The following NXN variants were observed in gnomAD, a reference collection of about 807,000 sequenced individuals.
NXN encodes the protein nucleoredoxin, also known as nucleoredoxin 1.
A neutral mutation model predicts 48.6 loss-of-function variants in NXN; 16 were observed. The observed-to-expected ratio is 0.33, with a 90% confidence interval of 0.22 to 0.50. The LOEUF (loss-of-function observed/expected upper bound fraction) is 0.50, where lower values mean the gene tolerates loss of function less well. Among genes scored for constraint, NXN ranks in the 20% least tolerant of loss-of-function variants. The probability of loss-of-function intolerance (pLI) is 0.98; values close to 1 mark genes in which losing one functional copy is unlikely to be tolerated. For missense variants in NXN, 492 were observed against 605.5 expected, an observed-to-expected ratio of 0.81 and a Z score of 1.97; for synonymous variants, 281 against 269.6, an observed-to-expected ratio of 1.04 and a Z score of -0.41.
Position 799,820 on chromosome 17 carries a change from T to G in NXN, c.*1129A>C, listed in dbSNP as rs973675221. 2.6e-5 allele frequency: 4 copies of G among 152,348 alleles called. No individual in the cohort carries two copies. Among genetic ancestry groups the G allele is most frequent in the African/African-American group, 9.7e-5 (4 of 41,434 alleles). 9.4% of individuals were successfully genotyped at this position (152,348 alleles called of 1,614,324 possible). The stretch of plus-strand genomic sequence containing the variant: ...ATTTCTCATCTTTGTAGTTCTGCTT[T>G]GAAAAGAAAAGGGGGCCGGGCACGG... On this transcript the variant is annotated 3_prime_UTR_variant, in exon 8 of 8. Transcript: ENST00000336868.
At chr17:913,293 G>A (rs1383484585) in intron 1 of NXN, among the ~76,000 whole-genome samples, 1 of 67,152 alleles carries the variant, frequency 1.5e-5, no homozygotes, top group East Asian at 0.038. Flanking sequence ...GCTCCCAAAT[G>A]ACAGAACTCA....
intron 1 of NXN, among the ~76,000 whole-genome samples, chr17:885,029 G>C (rs1042115310): frequency 6.6e-6 from 1 of 152,160 alleles, no homozygotes; most frequent in Non-Finnish European, 1.5e-5. Context: ...AGGGGTAAGA[G>C]GGACATCTAA....
intron 5 of NXN, among the ~76,000 whole-genome samples, chr17:818,753 TG>T (rs1912635409): frequency 6.6e-6 from 1 of 151,686 alleles, no homozygotes; most frequent in Non-Finnish European, 1.5e-5. Flanking sequence ...GGGCGTGTGG[TG>T]GGCGCCTGTA....
chr17:813,835 A>G (rs1172341572), intron 5 of NXN, among the ~76,000 whole-genome samples: 1 of 151,982 alleles, frequency 6.6e-6, no homozygotes, highest in East Asian at 1.9e-4. Flanking sequence ...GCGTAGTGGC[A>G]GGTGCCTATA....
chr17:812,853 T>TGTGTGTAG (rs956352455), intron 5 of NXN, among the ~76,000 whole-genome samples: 1 of 134,254 alleles, frequency 7.4e-6, no homozygotes, highest in Non-Finnish European at 1.6e-5. Context: ...GGTGTGTGCA[T>TGTGTGTAG]GTGTGTAGGT....
chr17:949,758 C>A (rs558727220), intron 1 of NXN, among the ~76,000 whole-genome samples: 14 of 150,832 alleles, frequency 9.3e-5, no homozygotes, highest in Non-Finnish European at 1.6e-4. Flanking sequence ...TTAGGACCCA[C>A]CTCCCTGCCT....
At chr17:895,622 C>CAA (rs1210760363) in intron 1 of NXN, among the ~76,000 whole-genome samples, 2 of 145,968 alleles carry the variant, frequency 1.4e-5, no homozygotes, top group African/African-American at 2.5e-5. Flanking sequence ...ACCATCCTGG[C>CAA]TAACACGGTG....
At chr17:924,220 T>C (rs1567864268) in intron 1 of NXN, among the ~76,000 whole-genome samples, 2 of 139,708 alleles carry the variant, frequency 1.4e-5, no homozygotes, top group Admixed American at 1.5e-4. Context: ...TTTTTTATTT[T>C]ATTTATTTGG....
chr17:865,683 G>A lies in NXN; in HGVS notation c.361-39605C>T, dbSNP rs528842391. On this transcript the variant is annotated intron_variant, in intron 1 of 7. Transcript: ENST00000336868. ...GATATGCATGTGTGAAGTGTGCAGA[G>A]ATAGATGTGCAACAATGTTGCTGGG... 1.6e-4 allele frequency among the ~76,000 whole-genome samples: 25 copies of A among 152,106 alleles called. No individual in the cohort carries two copies. The East Asian group carries it at 4.8e-3, about 29-fold the overall frequency.
chr17:819,073 A>G (rs1277660442), intron 5 of NXN: 4 of 318,470 alleles, frequency 1.3e-5, no homozygotes, highest in African/African-American at 6.7e-5. Flanking sequence ...CAGCCTCCTG[A>G]GTAGCTGGTA....
chr17:954,561 C>T (rs1239359680), intron 1 of NXN, among the ~76,000 whole-genome samples: 2 of 152,218 alleles, frequency 1.3e-5, no homozygotes, highest in Non-Finnish European at 2.9e-5. Flanking sequence ...ATTCGACCTC[C>T]CTGCTCAGGT....
chr17:859,210 C>G (rs551671159), intron 1 of NXN, among the ~76,000 whole-genome samples: 76 of 152,292 alleles, frequency 5.0e-4, no homozygotes, highest in Non-Finnish European at 9.8e-4. Flanking sequence ...GAGCCCACAA[C>G]CATATTTCAT....
intron 1 of NXN, among the ~76,000 whole-genome samples, chr17:965,365 T>C (rs2069289632): frequency 6.6e-6 from 1 of 152,184 alleles, no homozygotes; most frequent in South Asian, 2.1e-4. Context: ...ACTTTAGTTA[T>C]CACACACACT....
chr17:892,589 G>A (rs2068434644), intron 1 of NXN, among the ~76,000 whole-genome samples: 1 of 146,938 alleles, frequency 6.8e-6, no homozygotes, highest in African/African-American at 2.5e-5. Context: ...TGCATAGCAG[G>A]TCTCGCAGTC....
chr17:944,300 T>G (rs905473060), intron 1 of NXN, among the ~76,000 whole-genome samples: 23 of 152,182 alleles, frequency 1.5e-4, no homozygotes, highest in African/African-American at 4.8e-4. Flanking sequence ...GCTTCCATAA[T>G]GAGAGCTTCC....
chr17:851,131 C>T (rs537769957), intron 1 of NXN, among the ~76,000 whole-genome samples: 46 of 152,356 alleles, frequency 3.0e-4, no homozygotes, highest in Non-Finnish European at 5.1e-4. Flanking sequence ...TTAGCAGAAC[C>T]GAACTGCTAA....
intron 1 of NXN, among the ~76,000 whole-genome samples, chr17:929,311 C>A (rs1350067543): frequency 6.6e-6 from 1 of 152,218 alleles, no homozygotes; most frequent in Non-Finnish European, 1.5e-5. Flanking sequence ...TTGGTGAGTC[C>A]TGCAGGAAAA....
At chr17:915,580 T>C (rs2068680466) in intron 1 of NXN, among the ~76,000 whole-genome samples, 1 of 152,120 alleles carries the variant, frequency 6.6e-6, no homozygotes, top group Non-Finnish European at 1.5e-5. Context: ...ACACCACACC[T>C]GGACTCTAGG....
intron 1 of NXN, among the ~76,000 whole-genome samples, chr17:889,559 T>A (rs2144860908): frequency 6.6e-6 from 1 of 152,142 alleles, no homozygotes; most frequent in Non-Finnish European, 1.5e-5. Context: ...AGCCTGGTGG[T>A]GGCGTGTGCC....
Sources: allele counts gnomAD v4.1 joint callset (sites outside exome capture counted in the v4.1 genomes callset), GRCh38; gene constraint gnomAD v4.1.1; transcripts MANE v1.5; gene names NCBI Gene and HGNC (gene_info 2026-07-23, HGNC 2026-07-21).